Variants in CFAP99 observed in about 807,000 individuals in gnomAD.
CFAP99 encodes the protein cilia- and flagella-associated protein 99.
In CFAP99, 84 loss-of-function variants were observed where a neutral mutation model predicts 82.7. The ratio of observed to expected loss-of-function variants is 1.02; its 90% confidence interval spans 0.85 to 1.22. CFAP99 has a LOEUF of 1.22. Among genes scored for constraint, CFAP99 ranks in the 50% most tolerant of loss-of-function variants. The probability of loss-of-function intolerance (pLI) is 0.00; values close to 1 mark genes in which losing one functional copy is unlikely to be tolerated. For missense variants in CFAP99, 1,059 were observed against 983.5 expected, an observed-to-expected ratio of 1.08 and a Z score of -1.03; for synonymous variants, 456 against 429.5, an observed-to-expected ratio of 1.06 and a Z score of -0.76.
intron 9 of CFAP99, 75 bp downstream of exon 9, chr4:2,451,093 G>A: frequency 1.3e-6 from 2 of 1,488,350 alleles, no homozygotes; most frequent in Non-Finnish European, 1.8e-6. Flanking sequence ...GCCCGTAGAG[G>A]CTCAGATGAC....
chr4:2,437,086 C>G (rs1181406577), intron 3 of CFAP99, 68 bp downstream of exon 3: 8 of 1,518,856 alleles, frequency 5.3e-6, no homozygotes, highest in Non-Finnish European at 7.0e-6. Flanking sequence ...TGCGGAAAGG[C>G]CTGGCAGGCA....
chr4:2,426,883 C>G (rs1333564575), intron 2 of CFAP99: 1 of 338,700 alleles, frequency 3.0e-6, no homozygotes, highest in East Asian at 5.6e-5. Context: ...GGAGCGCCCC[C>G]ATGCCCCACC....
intron 2 of CFAP99, chr4:2,427,934 G>A (rs904756709): frequency 1.3e-5 from 2 of 152,360 alleles, no homozygotes; most frequent in Non-Finnish European, 2.9e-5. Context: ...TCCGGCTGGG[G>A]CCTGGCAGCC....
chr4:2,423,631 G>C (rs1733626178), intron 1 of CFAP99, among the ~76,000 whole-genome samples: 1 of 152,220 alleles, frequency 6.6e-6, no homozygotes, highest in Admixed American at 6.5e-5. Context: ...CAGGTCCCCA[G>C]GGGCAGGCCA....
intron 11 of CFAP99, among the ~76,000 whole-genome samples, chr4:2,456,741 A>G (rs1182088200): frequency 1.3e-5 from 2 of 150,408 alleles, no homozygotes; most frequent in Admixed American, 6.7e-5. Flanking sequence ...CTGGTCTCGA[A>G]CTCCCGATCT....
At chr4:2,445,182 C>T in exon 6 of CFAP99, 1 of 1,425,610 alleles carries the variant, frequency 7.0e-7, no homozygotes, top group Non-Finnish European at 9.1e-7. Context: ...GCGTGTCTGC[C>T]AGTCAATCCT....
At chr4:2,454,606 T>C (rs1400648213) in intron 11 of CFAP99, among the ~76,000 whole-genome samples, 5 of 149,968 alleles carry the variant, frequency 3.3e-5, no homozygotes, top group African/African-American at 1.2e-4. Flanking sequence ...TTTTTTTTTT[T>C]TTTGGTTTTT....
chr4:2,458,997 G>A (rs1734506069), intron 12 of CFAP99, 110 bp from the exon 13 acceptor site: 3 of 1,445,902 alleles, frequency 2.1e-6, no homozygotes, highest in Non-Finnish European at 2.7e-6. Context: ...CTCCCAGGTG[G>A]CCGCACTGAG....
Position 2,446,274 on chromosome 4 carries a change from T to C in CFAP99, c.642+966T>C, listed in dbSNP as rs1734162112. On this transcript the variant is annotated intron_variant, in intron 6 of 14. Transcript: ENST00000635017. This position sits in a 1 kb window ranked among gnomAD's most constrained non-coding sequence, Gnocchi z 5.0. ...CGAATTGGAGTTTAGAGTTGTTTAGTAATTTGTGGGCCTGCCTATTGTCTG... is the reference window on the plus strand; with the variant it reads ...CGAATTGGAGTTTAGAGTTGTTTAGCAATTTGTGGGCCTGCCTATTGTCTG... 6.6e-6 allele frequency among the ~76,000 whole-genome samples: 1 copy of C among 152,238 alleles called. No individual in the cohort carries two copies. Among genetic ancestry groups the C allele is most frequent in the South Asian group, 2.1e-4 (1 of 4,834 alleles).
chr4:2,461,364 G>A (rs1464535129), intron 14 of CFAP99, among the ~76,000 whole-genome samples: 2 of 152,252 alleles, frequency 1.3e-5, no homozygotes, highest in Non-Finnish European at 2.9e-5. Flanking sequence ...AGGTGTGGTG[G>A]ATGGCGGGGC....
intron 8 of CFAP99, 48 bp from the exon 9 acceptor site, chr4:2,450,899 C>T (rs753514314): frequency 6.7e-7 from 1 of 1,503,298 alleles, no homozygotes; most frequent in South Asian, 1.2e-5. Context: ...TTGGGGGCAC[C>T]CAGCAGGCAC....
At chr4:2,426,476 A>G (rs1278383230) in exon 2 of CFAP99, 1 of 1,534,998 alleles carries the variant, frequency 6.5e-7, no homozygotes, top group African/African-American at 1.4e-5. Flanking sequence ...CCCTAAGAAG[A>G]TGGCCTACTA....
chr4:2,462,539 C>T lies in CFAP99; in HGVS notation c.1758C>T (p.Ala586=). 1 of 1,469,656 alleles carries T rather than the reference C, an allele frequency of 6.8e-7. No homozygotes were observed. Among genetic ancestry groups the T allele is most frequent in the Non-Finnish European group, 8.9e-7 (1 of 1,118,206 alleles). The allele number at this position is 1,469,656 out of a possible 1,614,324, so 91.0% of individuals were successfully genotyped here. A position where few individuals can be genotyped will look rare whatever the true frequency, so the allele number is the denominator to read the frequency against. Reference sequence around the variant, plus strand: ...GGCGCAGGATCTCGGAGAGGGCGGCCGAGCGCAGCAGGCAGGCGGCCTTGC... The same window carrying T: ...GGCGCAGGATCTCGGAGAGGGCGGCTGAGCGCAGCAGGCAGGCGGCCTTGC... Residue 586 remains alanine, a synonymous_variant, in exon 15 of 15, where the codon GCC becomes GCT. Transcript: ENST00000635017. The surrounding 1 kb of genome is among the most constrained non-coding windows in gnomAD (Gnocchi z 4.1).
At chr4:2,459,000 G>A (rs534426605) in intron 12 of CFAP99, 107 bp from the exon 13 acceptor site, 6 of 1,440,502 alleles carry the variant, frequency 4.2e-6, no homozygotes, top group African/African-American at 1.4e-5. Flanking sequence ...CCAGGTGGCC[G>A]CACTGAGGCC....
At chr4:2,460,013 G>C (rs993538344) in intron 13 of CFAP99, 24 bp from the exon 14 acceptor site, 2 of 1,533,690 alleles carry the variant, frequency 1.3e-6, no homozygotes, top group African/African-American at 2.7e-5. Context: ...CTCCCAGCTT[G>C]GGGCCTCCCC....
At chr4:2,420,438 C>T (rs1475522903) in intron 1 of CFAP99, among the ~76,000 whole-genome samples, 1 of 152,154 alleles carries the variant, frequency 6.6e-6, no homozygotes, top group Non-Finnish European at 1.5e-5. Flanking sequence ...CTCCCAAAGC[C>T]ATCATTTCTT....
In CFAP99 at chr4:2,437,022, G is replaced by T. The variant is rs1244216602; in HGVS notation, c.256+4G>T. ...GTTGACCACAGCCGCTTCGAGGGTA[G>T]GTGCCTGGCTGGTCCCCAGGGCCAG... On this transcript the variant is annotated splice_donor_region_variant and intron_variant, in intron 3 of 14. Coordinates refer to ENST00000635017, the Ensembl canonical transcript of CFAP99. 2.6e-6 allele frequency: 4 copies of T among 1,536,034 alleles called. No individual in the cohort carries two copies. In the Admixed American group the frequency reaches 5.9e-5, roughly 23 times the overall value.
exon 12 of CFAP99, chr4:2,458,849 G>C: frequency 6.5e-7 from 1 of 1,535,236 alleles, no homozygotes; most frequent in Non-Finnish European, 8.7e-7. Context: ...GCTCGCGAAG[G>C]GCCGACAGCA....
intron 1 of CFAP99, among the ~76,000 whole-genome samples, chr4:2,421,350 CTTTTTTTTT>C (rs10632358): frequency 2.1e-5 from 2 of 96,984 alleles, no homozygotes; most frequent in Admixed American, 1.4e-4. Context: ...TCTGCCCACC[CTTTTTTTTT>C]TTTTTTTTTT....
Sources: allele counts gnomAD v4.1 joint callset (sites outside exome capture counted in the v4.1 genomes callset), GRCh38; gene constraint gnomAD v4.1.1; non-coding constraint Gnocchi (gnomAD v3.1); transcripts MANE v1.5; gene names NCBI Gene and HGNC (gene_info 2026-07-23, HGNC 2026-07-21).